The following NIPA1 variants were observed in gnomAD, a reference collection of about 807,000 sequenced individuals.
NIPA1 encodes magnesium transporter NIPA1.
NIPA1 carries 13 observed loss-of-function variants against 23.9 expected under a neutral mutation model. The observed-to-expected ratio is 0.54, with a 90% CI of 0.35 to 0.87. NIPA1 has a LOEUF of 0.87. NIPA1 is among the 40% of genes least tolerant of loss of function. The pLI is 0.01. For synonymous variants in NIPA1, 234 were observed against 202.9 expected, an observed-to-expected ratio of 1.15 and a Z score of -1.30; for missense variants, 362 against 429.7, an observed-to-expected ratio of 0.84 and a Z score of 1.39.
intron 1 of NIPA1, among the ~76,000 whole-genome samples, chr15:22,807,804 G>GTGT (rs1895240688): frequency 6.6e-6 from 1 of 150,706 alleles, no homozygotes; most frequent in Non-Finnish European, 1.5e-5. Flanking sequence ...GTGTGTGTGT[G>GTGT]ATGGAGTCTC....
chr15:22,828,037 A>G lies in NIPA1; in HGVS notation c.*3798A>G, dbSNP rs1895685835. On this transcript the variant is annotated 3_prime_UTR_variant, in exon 5 of 5. Coordinates refer to ENST00000337435, the MANE Select transcript of NIPA1 (RefSeq NM_144599.5). ...TCCTGCCACCAAGCAGGAAACTAGAAAGAGAACATTTCAGTGTAAGGTCTG... is the reference window on the plus strand; with the variant it reads ...TCCTGCCACCAAGCAGGAAACTAGAGAGAGAACATTTCAGTGTAAGGTCTG... 6.6e-6 allele frequency: 1 copy of G among 152,472 alleles called. No homozygotes were observed. The highest frequency in any genetic ancestry group is 1.5e-5 in the Non-Finnish European group (1 of 68,054). 9.4% of individuals were successfully genotyped at this position (152,472 alleles called of 1,614,324 possible). A position where few individuals can be genotyped will look rare whatever the true frequency, so the allele number is the denominator to read the frequency against.
chr15:22,823,701 G>A (rs1010286855), intron 4 of NIPA1, 27 bp from the exon 5 acceptor site: 9 of 1,585,554 alleles, frequency 5.7e-6, no homozygotes, highest in Admixed American at 5.2e-5. Flanking sequence ...GGTGGCTCCG[G>A]GTGACTGTGT....
At chr15:22,812,349 G>C (rs1264892960) in intron 3 of NIPA1, 96 bp downstream of exon 3, 10 of 905,684 alleles carry the variant, frequency 1.1e-5, no homozygotes, top group Non-Finnish European at 1.8e-5. Flanking sequence ...GAGCAAAATT[G>C]TAATAGAAGA....
rs139584621 is a variant in NIPA1 at position 22,789,242 on chromosome 15, G to A, written c.178+2408G>A. 7.1e-3 allele frequency among the ~76,000 whole-genome samples: 1,078 copies of A among 152,120 alleles called. 15 individuals are homozygous for A. The highest frequency in any genetic ancestry group is 0.025 in the African/African-American group (1,018 of 41,490). On this transcript the variant is annotated intron_variant, in intron 1 of 4. Coordinates refer to ENST00000337435, the MANE Select transcript of NIPA1 (RefSeq NM_144599.5). The stretch of plus-strand genomic sequence containing the variant: ...GACCTCAGGTGATCTGCCCACCTCA[G>A]TCTCCCAAAATGCTGGGATTACAGG...
rs756342645 is a variant in NIPA1 at position 22,786,841 on chromosome 15, C to T, written c.178+7C>T. ...GTGCGTGCCAAGCGGCGAGGTAGGG[C>T]GGGCGGCAGGCGGCAGGCGGCGGGC... On this transcript the variant is annotated splice_region_variant and intron_variant, in intron 1 of 4. Transcript: ENST00000337435. 14 of 691,688 alleles carry T rather than the reference C, an allele frequency of 2.0e-5. No individual in the cohort carries two copies. Among genetic ancestry groups the T allele is most frequent in the South Asian group, 2.9e-5 (1 of 34,474 alleles). The allele number at this position is 691,688 out of a possible 1,614,324, so 42.8% of individuals were successfully genotyped here.
At chr15:22,809,009 C>T (rs186268657) in intron 1 of NIPA1, among the ~76,000 whole-genome samples, 1 of 152,048 alleles carries the variant, frequency 6.6e-6, no homozygotes, top group Admixed American at 6.6e-5. Context: ...ATACTTGTAG[C>T]TCTGCTGCTC....
At chr15:22,815,422 G>T (rs954076782) in intron 3 of NIPA1, among the ~76,000 whole-genome samples, 1 of 150,648 alleles carries the variant, frequency 6.6e-6, no homozygotes. Context: ...CAAGGCAGGT[G>T]GATCATTTGA....
At position 22,828,837 on chromosome 15, in the gene NIPA1, G is replaced by A. The variant is rs552854134; in HGVS notation, c.*4598G>A. On this transcript the variant is annotated 3_prime_UTR_variant, in exon 5 of 5. Coordinates refer to ENST00000337435, the MANE Select transcript of NIPA1 (RefSeq NM_144599.5). ...GTGCCTCAGTTTTTCTACCTCTAAA[G>A]GGGTGGGATGGTTCTTCAAATTGTT... 6.6e-6 allele frequency: 1 copy of A among 152,624 alleles called. No homozygotes were observed. The highest frequency in any genetic ancestry group is 1.5e-5 in the Non-Finnish European group (1 of 68,050). The allele number at this position is 152,624 out of a possible 1,614,324, so 9.5% of individuals were successfully genotyped here. A position where few individuals can be genotyped will look rare whatever the true frequency, so the allele number is the denominator to read the frequency against.
At chr15:22,795,711 C>G (rs1016045425) in intron 1 of NIPA1, among the ~76,000 whole-genome samples, 2 of 152,090 alleles carry the variant, frequency 1.3e-5, no homozygotes, top group African/African-American at 4.8e-5. Flanking sequence ...TTGGCTTGCT[C>G]GGGCTGCTCA....
At position 22,820,419 on chromosome 15, in the gene NIPA1, A is replaced by G. The variant is rs781592927; in HGVS notation, c.424A>G (p.Lys142Glu). Residue 142 changes from lysine to glutamate, a missense_variant, in exon 4 of 5, where the codon AAG becomes GAG. Lys to Glu is a moderately conservative substitution (Grantham distance 56, BLOSUM62 1). This residue lies in a region of NIPA1 where 277 missense variants were observed against 372.0 expected (regional missense o/e 0.74). Transcript: ENST00000337435. ...CGTCGTGCTGATTATCCACTCCCCA[A>G]AGTCTGAGAGTGTGACAACTCAGGC... ...GSVVLIIHSP[K>E]SESVTTQAEL... The G allele has an allele frequency of 5.6e-6, 9 of 1,612,912 alleles. 1 individual carries two copies. Among genetic ancestry groups the G allele is most frequent in the Non-Finnish European group, 7.6e-6 (9 of 1,178,966 alleles).
upstream of NIPA1, chr15:22,786,617 C>T (rs1049321187): frequency 2.9e-5 from 25 of 859,022 alleles, no homozygotes; most frequent in Admixed American, 1.1e-3. Flanking sequence ...CCGCGGGGCG[C>T]GGCGCGCAGG....
intron 1 of NIPA1, among the ~76,000 whole-genome samples, chr15:22,793,345 G>A (rs1399989729): frequency 9.1e-6 from 1 of 110,082 alleles, no homozygotes; most frequent in African/African-American, 3.6e-5. Flanking sequence ...GCTACGGAGT[G>A]AGACTGTGTC....
intron 1 of NIPA1, among the ~76,000 whole-genome samples, chr15:22,801,627 C>T (rs1895083609): frequency 6.6e-6 from 1 of 151,450 alleles, no homozygotes; most frequent in Non-Finnish European, 1.5e-5. Context: ...AGCAGTTCTC[C>T]TGCCTCAGCC....
rs1895692674 is a variant in NIPA1, at chr15:22,828,413, T to G, written c.*4174T>G. The G allele has an allele frequency of 6.6e-6, 1 of 152,594 alleles. No homozygotes were observed. The highest frequency in any genetic ancestry group is 2.1e-4 in the South Asian group (1 of 4,830). 9.5% of individuals were successfully genotyped at this position (152,594 alleles called of 1,614,324 possible). A position where few individuals can be genotyped will look rare whatever the true frequency, so the allele number is the denominator to read the frequency against. On this transcript the variant is annotated 3_prime_UTR_variant, in exon 5 of 5. Transcript: ENST00000337435. ...CCTCACAATTGTACTGGTGATGAAT[T>G]TTAAGGGTCTGTCCTTTAGCTTATA...
At chr15:22,786,613 G>GGCGCGGC, upstream of NIPA1, 1 of 833,422 alleles carries the variant, frequency 1.2e-6, no homozygotes, top group Non-Finnish European at 1.5e-6. Context: ...CGCCCCGCGG[G>GGCGCGGC]GCGCGGCGCG....
Position 22,826,106 on chromosome 15 carries a change from G to C in NIPA1, c.*1867G>C, listed in dbSNP as rs1595649363. The C allele has an allele frequency of 6.6e-6, 1 of 152,080 alleles. No homozygotes were observed. Among genetic ancestry groups the C allele is most frequent in the Non-Finnish European group, 1.5e-5 (1 of 67,992 alleles). The allele number at this position is 152,080 out of a possible 1,614,324, so 9.4% of individuals were successfully genotyped here. A position where few individuals can be genotyped will look rare whatever the true frequency, so the allele number is the denominator to read the frequency against. On this transcript the variant is annotated 3_prime_UTR_variant, in exon 5 of 5. Coordinates refer to ENST00000337435, the MANE Select transcript of NIPA1 (RefSeq NM_144599.5). The stretch of plus-strand genomic sequence containing the variant: ...AAAAATGTGTTTTTGTAGGCAAAAA[G>C]AACATTTCTAAAGTCTCAAGGAATA...
rs1895665417 is a variant in NIPA1 at position 22,826,987 on chromosome 15, T to C, written c.*2748T>C. 6.6e-6 allele frequency: 1 copy of C among 152,156 alleles called. No homozygotes were observed. The highest frequency in any genetic ancestry group is 2.4e-5 in the African/African-American group (1 of 41,426). The allele number at this position is 152,156 out of a possible 1,614,324, so 9.4% of individuals were successfully genotyped here. On this transcript the variant is annotated 3_prime_UTR_variant, in exon 5 of 5. Transcript: ENST00000337435. Reference sequence around the variant, plus strand: ...AAAAATTATGTTTTCATCATTCATTTGAAAATGAAAAAGCCCCAAAGTGAG... The same window carrying C: ...AAAAATTATGTTTTCATCATTCATTCGAAAATGAAAAAGCCCCAAAGTGAG...
intron 1 of NIPA1, among the ~76,000 whole-genome samples, chr15:22,796,487 A>G (rs1360830000): frequency 6.7e-6 from 1 of 149,512 alleles, no homozygotes; most frequent in Non-Finnish European, 1.5e-5. Flanking sequence ...TTCTTTTTTT[A>G]GAGATAGGGT....
At chr15:22,810,631 A>G in intron 1 of NIPA1, 118 bp from the exon 2 acceptor site, 2 of 709,476 alleles carry the variant, frequency 2.8e-6, no homozygotes, top group South Asian at 2.9e-5. Flanking sequence ...AAACAGTATG[A>G]CATTCATTCT....
Sources: gnomAD v4.1 joint callset for allele counts (sites outside exome capture counted in the v4.1 genomes callset) on GRCh38, gnomAD v4.1.1 for gene constraint, gnomAD v4.1.1 regional missense constraint, MANE v1.5 for transcripts, NCBI Gene and HGNC (gene_info 2026-07-23, HGNC 2026-07-21) for gene names.